The following GLIS3 variants were observed in gnomAD, a reference collection of about 807,000 sequenced individuals.
GLIS3 encodes zinc finger protein GLIS3.
In GLIS3, 53 loss-of-function variants were observed where a neutral mutation model predicts 78.6. The ratio of observed to expected loss-of-function variants is 0.67; its 90% CI spans 0.54 to 0.85. The LOEUF is 0.85. Ranked by LOEUF, GLIS3 falls within the 40% of genes least tolerant of loss-of-function variation. The pLI is 0.00. For synonymous variants in GLIS3, 684 were observed against 509.9 expected (o/e 1.34, Z -4.60); for missense variants, 1,703 against 1,231.1 (o/e 1.38, Z -5.74).
chr9:4,436,160 A>G, the GLIS3 span, among the ~76,000 whole-genome samples: 35 of 152,340 alleles, frequency 2.3e-4, no homozygotes, highest in South Asian at 7.1e-3. Context: ...ATGTATGAAC[A>G]TAGTTACAGA....
intron 4 of GLIS3, among the ~76,000 whole-genome samples, chr9:4,018,151 C>T (rs1406772507): frequency 6.6e-6 from 1 of 152,154 alleles, no homozygotes; most frequent in Non-Finnish European, 1.5e-5. Context: ...AAAAGGAAGG[C>T]AGGAAGAAAG....
At chr9:4,087,819 G>A (rs1185203947) in intron 4 of GLIS3, among the ~76,000 whole-genome samples, 1 of 152,138 alleles carries the variant, frequency 6.6e-6, no homozygotes, top group South Asian at 2.1e-4. Flanking sequence ...CCTCCATGAA[G>A]CCTTCAGTTT....
At chr9:3,852,309 C>T (rs79124804) in intron 9 of GLIS3, among the ~76,000 whole-genome samples, 1,782 of 152,216 alleles carry the variant, frequency 0.012, 82 homozygotes, top group Admixed American at 0.079. Flanking sequence ...CCTCTACCTA[C>T]GGCAGGGAGT....
chr9:4,186,300 C>G (rs1817787971), intron 2 of GLIS3, among the ~76,000 whole-genome samples: 1 of 151,946 alleles, frequency 6.6e-6, no homozygotes, highest in Non-Finnish European at 1.5e-5. Flanking sequence ...TTTCCAATTT[C>G]ATCCATGTCC....
At chr9:4,376,984 C>G in the GLIS3 span, among the ~76,000 whole-genome samples, 2 of 135,272 alleles carry the variant, frequency 1.5e-5, no homozygotes, top group Admixed American at 1.5e-4. Flanking sequence ...AGATTGCCTC[C>G]CAGCCCCACC....
At chr9:4,399,819 G>A in the GLIS3 span, among the ~76,000 whole-genome samples, 60 of 152,284 alleles carry the variant, frequency 3.9e-4, no homozygotes, top group African/African-American at 1.4e-3. Context: ...TGGGCATGAG[G>A]TTAAGTTTAC....
intron 2 of GLIS3, among the ~76,000 whole-genome samples, chr9:4,322,609 G>C (rs866821928): frequency 1.3e-5 from 2 of 152,132 alleles, no homozygotes; most frequent in African/African-American, 4.8e-5. Context: ...CATTCTAACA[G>C]GTGTGAGATG....
chr9:4,286,805 G>C (rs1348801740), intron 1 of GLIS3, among the ~76,000 whole-genome samples: 2 of 152,154 alleles, frequency 1.3e-5, no homozygotes, highest in East Asian at 3.8e-4. Context: ...ACTGGTGCCA[G>C]CTTGCAAAAC....
chr9:4,458,603 C>A, the GLIS3 span, among the ~76,000 whole-genome samples: 4 of 152,106 alleles, frequency 2.6e-5, no homozygotes, highest in Non-Finnish European at 1.5e-5. Flanking sequence ...GCCTGGCCAA[C>A]ATAGTGAAAT....
the GLIS3 span, among the ~76,000 whole-genome samples, chr9:4,446,875 ACTTCCTACCTCTC>A: frequency 6.6e-6 from 1 of 151,662 alleles, no homozygotes; most frequent in African/African-American, 2.4e-5. Flanking sequence ...TCTTTAGCTC[ACTTCCTACCTCTC>A]CTTGACTGTA....
chr9:3,840,275 G>A (rs983314645), intron 9 of GLIS3, among the ~76,000 whole-genome samples: 41 of 152,270 alleles, frequency 2.7e-4, no homozygotes, highest in African/African-American at 9.6e-4. Context: ...CTACCATTAA[G>A]TATAAAATCA....
At chr9:4,442,802 T>C in the GLIS3 span, among the ~76,000 whole-genome samples, 1 of 152,318 alleles carries the variant, frequency 6.6e-6, no homozygotes, top group Admixed American at 6.5e-5. Flanking sequence ...GAATGGATTT[T>C]GTTTTCATTT....
intron 2 of GLIS3, among the ~76,000 whole-genome samples, chr9:4,249,266 C>T (rs1377122930): frequency 6.6e-6 from 1 of 152,102 alleles, no homozygotes; most frequent in Non-Finnish European, 1.5e-5. Context: ...ATGGAATGTC[C>T]TTCCCTTTGT....
intron 2 of GLIS3, among the ~76,000 whole-genome samples, chr9:4,338,054 G>GTGTGTGTGTC (rs1554659857): frequency 1.0e-4 from 15 of 150,026 alleles, no homozygotes; most frequent in African/African-American, 3.7e-4. Context: ...GTGTGTGTGT[G>GTGTGTGTGTC]TGTGTGTGTT....
chr9:4,245,002 T>C (rs1823667368), intron 2 of GLIS3, among the ~76,000 whole-genome samples: 1 of 152,242 alleles, frequency 6.6e-6, no homozygotes, highest in Admixed American at 6.5e-5. Context: ...AAATGATTGA[T>C]GTAGACCCCA....
At chr9:4,369,104 C>G in the GLIS3 span, among the ~76,000 whole-genome samples, 1 of 152,082 alleles carries the variant, frequency 6.6e-6, no homozygotes, top group Non-Finnish European at 1.5e-5. Context: ...TATTATGTAT[C>G]TCTTTGAAAA....
upstream of GLIS3, among the ~76,000 whole-genome samples, chr9:4,352,537 A>T (rs766522482): frequency 2.0e-5 from 3 of 152,220 alleles, no homozygotes; most frequent in Non-Finnish European, 4.4e-5. Context: ...AAACCAAACA[A>T]CCATGCTCTT....
intron 2 of GLIS3, among the ~76,000 whole-genome samples, chr9:4,191,000 G>A (rs201830773): frequency 1.3e-3 from 195 of 151,744 alleles, no homozygotes; most frequent in East Asian, 2.3e-3. Context: ...TTTTGTCACC[G>A]CCAGGCCTGC....
chr9:4,168,797 T>A (rs1488388800), intron 2 of GLIS3, among the ~76,000 whole-genome samples: 2 of 152,190 alleles, frequency 1.3e-5, no homozygotes, highest in East Asian at 3.9e-4. Flanking sequence ...GGGATGCCTA[T>A]GGTAAATTAA....
Sources: gnomAD v4.1 joint callset for allele counts (sites outside exome capture counted in the v4.1 genomes callset) on GRCh38, gnomAD v4.1.1 for gene constraint, MANE v1.5 for transcripts, NCBI Gene and HGNC (gene_info 2026-07-23, HGNC 2026-07-21) for gene names.